The following DIAPH3 variants were observed in gnomAD, a reference collection of about 807,000 sequenced individuals.
The protein encoded by DIAPH3 is diaphanous related formin 3, also known as protein diaphanous homolog 3.
DIAPH3 carries 117 observed loss-of-function variants against 144.3 expected under a neutral mutation model. The ratio of observed to expected loss-of-function variants is 0.81; its 90% CI spans 0.70 to 0.95. The LOEUF is 0.95. Among genes scored for constraint, DIAPH3 ranks in the 40% least tolerant of loss-of-function variants. DIAPH3 has a pLI of 0.00. For synonymous variants in DIAPH3, 519 were observed against 488.9 expected (o/e 1.06, Z -0.81); for missense variants, 1,421 against 1,412.7 (o/e 1.01, Z -0.09).
chr13:60,015,315 C>CT (rs943872907), intron 7 of DIAPH3, among the ~76,000 whole-genome samples: 1 of 152,114 alleles, frequency 6.6e-6, no homozygotes, highest in Non-Finnish European at 1.5e-5. Context: ...AATGTAACCT[C>CT]TTTAACTATG....
At chr13:59,827,386 C>G (rs1338605567) in intron 24 of DIAPH3, among the ~76,000 whole-genome samples, 1 of 151,960 alleles carries the variant, frequency 6.6e-6, no homozygotes, top group Non-Finnish European at 1.5e-5. Flanking sequence ...AAAAATGACA[C>G]ATTTTTAATA....
intron 25 of DIAPH3, among the ~76,000 whole-genome samples, chr13:59,782,073 G>A (rs2038769624): frequency 6.6e-6 from 1 of 151,990 alleles, no homozygotes; most frequent in African/African-American, 2.4e-5. Flanking sequence ...AGTCTAAGGT[G>A]TTTTTGTTAT....
At chr13:59,809,329 C>T (rs2040349992) in intron 25 of DIAPH3, among the ~76,000 whole-genome samples, 1 of 152,082 alleles carries the variant, frequency 6.6e-6, no homozygotes, top group Non-Finnish European at 1.5e-5. Context: ...CGGCGAAACT[C>T]GGTCTCTACT....
chr13:59,942,619 G>A (rs2048590789), intron 17 of DIAPH3, among the ~76,000 whole-genome samples: 1 of 152,028 alleles, frequency 6.6e-6, no homozygotes, highest in Non-Finnish European at 1.5e-5. Context: ...TTCCCCAAAG[G>A]AAACTATTGA....
intron 5 of DIAPH3, among the ~76,000 whole-genome samples, chr13:60,028,271 C>A (rs1594405666): frequency 1.3e-5 from 2 of 152,104 alleles, no homozygotes; most frequent in African/African-American, 2.4e-5. Flanking sequence ...TTCTTGCCAT[C>A]CATTCACTCA....
At chr13:59,770,172 G>C (rs2038051376) in intron 27 of DIAPH3, among the ~76,000 whole-genome samples, 1 of 152,086 alleles carries the variant, frequency 6.6e-6, no homozygotes, top group Non-Finnish European at 1.5e-5. Flanking sequence ...CTTCAAGGGA[G>C]GAGATGGGAA....
intron 17 of DIAPH3, among the ~76,000 whole-genome samples, chr13:59,950,312 C>T (rs1428630940): frequency 6.6e-6 from 1 of 152,078 alleles, no homozygotes; most frequent in Non-Finnish European, 1.5e-5. Flanking sequence ...CTTTAGCTCC[C>T]AAGCCTACGT....
intron 1 of DIAPH3, among the ~76,000 whole-genome samples, chr13:60,148,600 A>G (rs1951641925): frequency 6.6e-6 from 1 of 152,224 alleles, no homozygotes; most frequent in African/African-American, 2.4e-5. Flanking sequence ...GATTACTTGG[A>G]AAGACTCATT....
At chr13:59,950,803 T>C (rs1225905851) in intron 17 of DIAPH3, among the ~76,000 whole-genome samples, 1 of 152,126 alleles carries the variant, frequency 6.6e-6, no homozygotes, top group Non-Finnish European at 1.5e-5. Flanking sequence ...GGCTATTTAA[T>C]AGCATGAGAA....
At chr13:60,067,730 T>C (rs986281638) in intron 4 of DIAPH3, among the ~76,000 whole-genome samples, 3 of 152,184 alleles carry the variant, frequency 2.0e-5, no homozygotes, top group Non-Finnish European at 4.4e-5. Flanking sequence ...TTCTAAACAA[T>C]TTTTTAACTC....
chr13:59,870,639 T>G (rs2044200786), intron 21 of DIAPH3, among the ~76,000 whole-genome samples: 3 of 151,270 alleles, frequency 2.0e-5, no homozygotes, highest in Non-Finnish European at 2.9e-5. Context: ...TAGATCTTCT[T>G]TGATTTTTTT....
At chr13:59,789,728 A>G (rs1009801616) in intron 25 of DIAPH3, among the ~76,000 whole-genome samples, 1 of 152,182 alleles carries the variant, frequency 6.6e-6, no homozygotes, top group African/African-American at 2.4e-5. Context: ...GAAGGGGAAA[A>G]TAAGGTCAGG....
At chr13:59,987,648 G>A (rs1333905378) in intron 12 of DIAPH3, among the ~76,000 whole-genome samples, 1 of 151,280 alleles carries the variant, frequency 6.6e-6, no homozygotes, top group Non-Finnish European at 1.5e-5. Flanking sequence ...ATCTCTTCTT[G>A]AGAAGACTGG....
chr13:59,843,424 C>T (rs529080839), intron 22 of DIAPH3, among the ~76,000 whole-genome samples: 1 of 152,192 alleles, frequency 6.6e-6, no homozygotes, highest in South Asian at 2.1e-4. Context: ...GGGACTTAGT[C>T]CACTGGATAA....
At chr13:59,852,672 G>A (rs1241330065) in intron 22 of DIAPH3, among the ~76,000 whole-genome samples, 1 of 152,142 alleles carries the variant, frequency 6.6e-6, no homozygotes, top group Non-Finnish European at 1.5e-5. Flanking sequence ...GTAACTGCAT[G>A]TGTATTATTC....
intron 9 of DIAPH3, among the ~76,000 whole-genome samples, chr13:60,007,571 T>A (rs964762879): frequency 1.3e-5 from 2 of 152,176 alleles, no homozygotes; most frequent in African/African-American, 2.4e-5. Flanking sequence ...CACGTTAGGA[T>A]CACCTGAGGA....
At chr13:59,824,324 T>C (rs1041565517) in intron 24 of DIAPH3, among the ~76,000 whole-genome samples, 8 of 152,188 alleles carry the variant, frequency 5.3e-5, no homozygotes, top group African/African-American at 1.9e-4. Context: ...ATGCAGGCTG[T>C]TATTATCAGA....
chr13:59,958,376 CTG>C (rs1440761295), intron 17 of DIAPH3, among the ~76,000 whole-genome samples: 1 of 152,054 alleles, frequency 6.6e-6, no homozygotes, highest in African/African-American at 2.4e-5. Flanking sequence ...GAGTAACAAT[CTG>C]TGTTTTAAAA....
At chr13:59,875,853 T>C (rs1163077580) in intron 21 of DIAPH3, among the ~76,000 whole-genome samples, 1 of 152,136 alleles carries the variant, frequency 6.6e-6, no homozygotes, top group African/African-American at 2.4e-5. Context: ...TCCAGAGATA[T>C]TATAGTTACT....
Sources: allele counts gnomAD v4.1 joint callset (sites outside exome capture counted in the v4.1 genomes callset), GRCh38; gene constraint gnomAD v4.1.1; transcripts MANE v1.5; gene names NCBI Gene and HGNC (gene_info 2026-07-23, HGNC 2026-07-21).